PHF24: variants seen among roughly 807,000 people sequenced by gnomAD.
PHF24 encodes Galpha inhibitory interacting protein.
Under a neutral mutation model 42.6 loss-of-function variants are expected in PHF24, and 25 were observed. That is an observed-to-expected ratio of 0.59 (90% CI 0.43 to 0.82). PHF24 has a LOEUF of 0.82. Among genes scored for constraint, PHF24 ranks in the 40% least tolerant of loss-of-function variants. The probability of loss-of-function intolerance (pLI) is 0.00; values close to 1 mark genes in which losing one functional copy is unlikely to be tolerated. For synonymous variants in PHF24, 185 were observed against 204.8 expected, an observed-to-expected ratio of 0.90 and a Z score of 0.83; for missense variants, 470 against 538.1, an observed-to-expected ratio of 0.87 and a Z score of 1.25.
chr9:34,782,268 A>C, the PHF24 span, among the ~76,000 whole-genome samples: 1 of 152,160 alleles, frequency 6.6e-6, no homozygotes, highest in Non-Finnish European at 1.5e-5. Context: ...TTTTGGGGTA[A>C]GTAGGGTAGA....
At chr9:34,708,853 G>T in the PHF24 span, among the ~76,000 whole-genome samples, 2 of 152,126 alleles carry the variant, frequency 1.3e-5, no homozygotes, top group Admixed American at 1.3e-4. Flanking sequence ...CCCTTTAACT[G>T]CTCAGGGGTG....
the PHF24 span, among the ~76,000 whole-genome samples, chr9:34,817,968 A>C: frequency 1.3e-5 from 2 of 152,220 alleles, no homozygotes; most frequent in African/African-American, 4.8e-5. Context: ...GTGCTATTCT[A>C]AATGATACTC....
chr9:34,833,122 G>A, the PHF24 span: 3 of 1,551,456 alleles, frequency 1.9e-6, no homozygotes, highest in Non-Finnish European at 2.6e-6. Context: ...CCCCTTCTCT[G>A]TAGTCCCTGG....
the PHF24 span, among the ~76,000 whole-genome samples, chr9:34,828,812 C>T: frequency 2.0e-5 from 3 of 152,290 alleles, no homozygotes; most frequent in East Asian, 5.8e-4. Flanking sequence ...TTACTGGCTC[C>T]TCCTTTTATT....
At chr9:34,886,853 T>TCTATCTAG in the PHF24 span, among the ~76,000 whole-genome samples, 1 of 151,712 alleles carries the variant, frequency 6.6e-6, no homozygotes, top group Non-Finnish European at 1.5e-5. Context: ...TATCTATCTA[T>TCTATCTAG]CTATCTATCT....
At chr9:34,917,497 G>A in the PHF24 span, 5 of 771,990 alleles carry the variant, frequency 6.5e-6, no homozygotes, top group Admixed American at 8.5e-5. Context: ...ACAATCGAAA[G>A]CCTGCAGAGA....
the PHF24 span, among the ~76,000 whole-genome samples, chr9:34,855,412 C>T: frequency 1.3e-5 from 2 of 152,106 alleles, no homozygotes; most frequent in African/African-American, 2.4e-5. Flanking sequence ...TGGCTGGTAA[C>T]AGTTTTTCCT....
At chr9:34,676,105 G>C in the PHF24 span, among the ~76,000 whole-genome samples, 61 of 152,320 alleles carry the variant, frequency 4.0e-4, no homozygotes, top group African/African-American at 1.4e-3. Flanking sequence ...AAAAATTCCT[G>C]AGGAAGGAGC....
At chr9:34,873,430 C>G in the PHF24 span, among the ~76,000 whole-genome samples, 5 of 151,854 alleles carry the variant, frequency 3.3e-5, no homozygotes, top group East Asian at 1.9e-4. Flanking sequence ...TATGGCTAGC[C>G]AGTTTTCCCA....
chr9:34,703,696 CT>C, the PHF24 span, among the ~76,000 whole-genome samples: 1 of 139,728 alleles, frequency 7.2e-6, no homozygotes, highest in Non-Finnish European at 1.7e-5. Flanking sequence ...TATTCCTCTA[CT>C]TTCTTAATAA....
chr9:34,691,099 G>A, the PHF24 span: 9 of 1,611,048 alleles, frequency 5.6e-6, no homozygotes, highest in African/African-American at 1.3e-5. Context: ...ACCTGGGGAA[G>A]TCCAGAGAAC....
At chr9:34,740,066 C>G in the PHF24 span, among the ~76,000 whole-genome samples, 2 of 152,202 alleles carry the variant, frequency 1.3e-5, no homozygotes. Flanking sequence ...GGTGTGTTTA[C>G]AAACCTTGAA....
the PHF24 span, among the ~76,000 whole-genome samples, chr9:34,764,634 C>T: frequency 6.6e-6 from 1 of 151,978 alleles, no homozygotes; most frequent in African/African-American, 2.4e-5. Flanking sequence ...TTTTGTTAAT[C>T]CTTTCAAAAA....
the PHF24 span, among the ~76,000 whole-genome samples, chr9:34,759,671 C>T: frequency 6.6e-6 from 1 of 152,180 alleles, no homozygotes; most frequent in Non-Finnish European, 1.5e-5. Flanking sequence ...ACCCGTTAGC[C>T]TGACCTCTTG....
At chr9:34,952,162 T>C in the PHF24 span, among the ~76,000 whole-genome samples, 1,268 of 152,086 alleles carry the variant, frequency 8.3e-3, 24 homozygotes, top group East Asian at 0.06. Flanking sequence ...GAAAACACAA[T>C]TGTCTGCATG....
At chr9:34,701,671 C>T in the PHF24 span, among the ~76,000 whole-genome samples, 6 of 152,120 alleles carry the variant, frequency 3.9e-5, no homozygotes, top group South Asian at 2.1e-4. The surrounding 1 kb of genome is among the most constrained non-coding windows in gnomAD (Gnocchi z 5.8). Flanking sequence ...AGGGGAGGCT[C>T]GGGCTGTGGG....
At chr9:34,695,086 A>G in the PHF24 span, among the ~76,000 whole-genome samples, 4 of 152,194 alleles carry the variant, frequency 2.6e-5, no homozygotes, top group Non-Finnish European at 5.9e-5. Context: ...CAGCAGAAGA[A>G]CCAGCCACAT....
chr9:34,766,716 C>T, the PHF24 span, among the ~76,000 whole-genome samples: 5 of 152,224 alleles, frequency 3.3e-5, no homozygotes, highest in South Asian at 2.1e-4. Flanking sequence ...AGTCATTCTC[C>T]GTCCAGCTTT....
chr9:34,940,492 C>T, the PHF24 span, among the ~76,000 whole-genome samples: 1 of 152,014 alleles, frequency 6.6e-6, no homozygotes, highest in African/African-American at 2.4e-5. Flanking sequence ...TGGCTCACAC[C>T]TATAATCCCA....
Sources: gnomAD v4.1 joint callset for allele counts (sites outside exome capture counted in the v4.1 genomes callset) on GRCh38, gnomAD v4.1.1 for gene constraint, Gnocchi (gnomAD v3.1) non-coding constraint, MANE v1.5 for transcripts, NCBI Gene and HGNC (gene_info 2026-07-23, HGNC 2026-07-21) for gene names.